MAP2K3: variants seen among roughly 807,000 people sequenced by gnomAD.
The protein encoded by MAP2K3 is mitogen-activated protein kinase kinase 3.
MAP2K3 carries 30 observed loss-of-function variants against 46.4 expected under a neutral mutation model. That is an observed-to-expected ratio of 0.65 (90% CI 0.48 to 0.88). The LOEUF (loss-of-function observed/expected upper bound fraction) is 0.88. MAP2K3 is among the 40% of genes least tolerant of loss of function. MAP2K3 has a pLI of 0.00. For missense variants in MAP2K3, 380 were observed against 464.5 expected (o/e 0.82, Z 1.67); for synonymous variants, 189 against 176.3 (o/e 1.07, Z -0.57).
In MAP2K3 at chr17:21,284,900, C is replaced by T. The variant is rs377358563; in HGVS notation, c.-21C>T. 244 of 1,611,710 alleles carry T rather than the reference C, an allele frequency of 1.5e-4. 1 individual carries two copies. The highest frequency in any genetic ancestry group is 2.0e-4 in the Non-Finnish European group (235 of 1,179,484). ...AGTCCTCTAGATTAGTCTCCACCGC[C>T]GTCCAGGACCCACTTGCAGCATGGA... On this transcript the variant is annotated 5_prime_UTR_variant, in exon 1 of 12. Coordinates refer to ENST00000342679, the MANE Select transcript of MAP2K3 (RefSeq NM_145109.3).
At chr17:21,289,891 T>C (rs114895592) in intron 1 of MAP2K3, among the ~76,000 whole-genome samples, 1,675 of 152,312 alleles carry the variant, frequency 0.011, 32 homozygotes, top group African/African-American at 0.038. Flanking sequence ...CTGGTTTCTC[T>C]GGGGAGGCCA....
Position 21,295,793 on chromosome 17 carries a change from A to AG in MAP2K3, c.50-2613dup, listed in dbSNP as rs3035435. On this transcript the variant is annotated intron_variant, in intron 1 of 11. Transcript: ENST00000342679. ...AGGTGGGGAAACTGAGGCTTGGTGA[A>AG]GGGGGGGCCACATGATACAACATTC... 39 of 1,289,008 alleles carry AG rather than the reference A, an allele frequency of 3.0e-5. No homozygotes were observed. In the African/African-American group the frequency reaches 3.6e-4, roughly 12 times the overall value. The allele number at this position is 1,289,008 out of a possible 1,614,324, so 79.8% of individuals were successfully genotyped here.
rs543135539 is a variant in MAP2K3, at chr17:21,298,563, G to A, written c.116+84G>A. 33 of 1,608,614 alleles carry A rather than the reference G, an allele frequency of 2.1e-5. No individual in the cohort carries two copies. In the African/African-American group the frequency reaches 4.1e-4, roughly 20 times the overall value. On this transcript the variant is annotated intron_variant, in intron 2 of 11. Coordinates refer to ENST00000342679, the MANE Select transcript of MAP2K3 (RefSeq NM_145109.3). ...AATGGAAGGAGTGAGAGGCAGGTGGGGCCAGCCCTGCTTTACCTCGTCCTG... is the reference window on the plus strand; with the variant it reads ...AATGGAAGGAGTGAGAGGCAGGTGGAGCCAGCCCTGCTTTACCTCGTCCTG...
In MAP2K3 at chr17:21,294,086, G is replaced by A. The variant is rs567190592; in HGVS notation, c.50-4327G>A. Among the ~76,000 whole-genome samples the A allele has an allele frequency of 9.8e-5, 15 of 152,420 alleles. No homozygotes were observed. The East Asian group carries it at 2.1e-3, about 22-fold the overall frequency. On this transcript the variant is annotated intron_variant, in intron 1 of 11. Coordinates refer to ENST00000342679, the MANE Select transcript of MAP2K3 (RefSeq NM_145109.3). ...ACACCGTCGAGGTACATCTGCCCAC[G>A]CAAAAGCCTGTGCCCACTTCTCGGG... is the stretch of plus-strand genomic sequence containing the variant.
At chr17:21,289,752 C>T (rs1975831134) in intron 1 of MAP2K3, among the ~76,000 whole-genome samples, 1 of 152,232 alleles carries the variant, frequency 6.6e-6, no homozygotes, top group Admixed American at 6.5e-5. Flanking sequence ...TGTTGGGCCC[C>T]TTGCAGCTTC....
chr17:21,299,173 T>A (rs987422617), intron 3 of MAP2K3, among the ~76,000 whole-genome samples: 1 of 152,310 alleles, frequency 6.6e-6, no homozygotes, highest in African/African-American at 2.4e-5. Flanking sequence ...GGTAGGAAGG[T>A]TTCTGAGCTG....
chr17:21,307,911 A>G (rs1976976782), intron 9 of MAP2K3, among the ~76,000 whole-genome samples: 2 of 143,964 alleles, frequency 1.4e-5, no homozygotes, highest in Non-Finnish European at 3.0e-5. Flanking sequence ...CCTGGAGTGC[A>G]ATGGCATGAT....
At chr17:21,288,236 A>C (rs912817409) in intron 1 of MAP2K3, 2 of 542,898 alleles carry the variant, frequency 3.7e-6, no homozygotes, top group African/African-American at 4.0e-5. Flanking sequence ...GAGCTGGGGC[A>C]CTGGAGGTGG....
intron 1 of MAP2K3, among the ~76,000 whole-genome samples, chr17:21,293,621 G>A (rs1176876314): frequency 6.6e-6 from 1 of 152,312 alleles, no homozygotes; most frequent in African/African-American, 2.4e-5. Flanking sequence ...GGGTAGAGAG[G>A]TGGGGAGGGT....
At chr17:21,296,305 A>G (rs1351879397) in intron 1 of MAP2K3, 18 of 796,770 alleles carry the variant, frequency 2.3e-5, no homozygotes, top group Non-Finnish European at 3.3e-5. Flanking sequence ...GGAGTTTACC[A>G]CGGCTGCGCC....
At chr17:21,296,318 T>C (rs1190078273) in intron 1 of MAP2K3, 7 of 670,402 alleles carry the variant, frequency 1.0e-5, no homozygotes, top group Non-Finnish European at 1.6e-5. Context: ...GCTGCGCCAC[T>C]CCAAGCCCAG....
intron 1 of MAP2K3, among the ~76,000 whole-genome samples, chr17:21,287,463 A>G (rs1392152055): frequency 6.6e-6 from 1 of 152,250 alleles, no homozygotes; most frequent in Non-Finnish European, 1.5e-5. Context: ...TGAACAAAGC[A>G]GGGAGTGGCT....
chr17:21,294,630 G>T (rs2363240), intron 1 of MAP2K3, among the ~76,000 whole-genome samples: 2 of 54 alleles, frequency 0.037, no homozygotes, highest in Admixed American at 0.17. Flanking sequence ...CTCTTCTCCC[G>T]CATGCTTGAT....
intron 1 of MAP2K3, among the ~76,000 whole-genome samples, chr17:21,292,105 T>A (rs1408385622): frequency 1.3e-5 from 2 of 152,308 alleles, no homozygotes; most frequent in Admixed American, 6.5e-5. Flanking sequence ...CTGGGGCCCC[T>A]GGTGTCAGCA....
Position 21,284,833 on chromosome 17 carries a change from C to T in MAP2K3, c.-88C>T, listed in dbSNP as rs984869985. On this transcript the variant is annotated 5_prime_UTR_variant, in exon 1 of 12. Coordinates refer to ENST00000342679, the MANE Select transcript of MAP2K3 (RefSeq NM_145109.3). ...TGCTCCTCCGCCTGGCCTGGGCCGT[C>T]TGCCCGCAGCCATGAGCGTGCTCGG... The T allele has an allele frequency of 3.4e-6, 5 of 1,457,138 alleles. No homozygotes were observed. Among genetic ancestry groups the T allele is most frequent in the South Asian group, 1.3e-5 (1 of 79,496 alleles). The allele number at this position is 1,457,138 out of a possible 1,614,324, so 90.3% of individuals were successfully genotyped here.
chr17:21,303,917 A>G (rs1256467216), intron 7 of MAP2K3, among the ~76,000 whole-genome samples: 1 of 152,308 alleles, frequency 6.6e-6, no homozygotes, highest in African/African-American at 2.4e-5. Context: ...ATCTTTACAC[A>G]CATCCCCATG....
intron 10 of MAP2K3, among the ~76,000 whole-genome samples, chr17:21,312,918 C>CA (rs113429381): frequency 0.052 from 6,217 of 119,734 alleles, 416 homozygotes; most frequent in African/African-American, 0.16. Context: ...GAGACTGTCT[C>CA]AAAAAAAAAA....
At chr17:21,296,893 TG>T (rs983456771) in intron 1 of MAP2K3, among the ~76,000 whole-genome samples, 23 of 148,236 alleles carry the variant, frequency 1.6e-4, no homozygotes, top group African/African-American at 5.7e-4. Context: ...CCAGTGCATG[TG>T]GCGGCAGCTG....
chr17:21,310,688 C>T (rs138714398), intron 9 of MAP2K3, among the ~76,000 whole-genome samples: 2 of 152,240 alleles, frequency 1.3e-5, no homozygotes, highest in African/African-American at 2.4e-5. Context: ...TTAGTGTTGT[C>T]GCTGGGGAGT....
Sources: gnomAD v4.1 joint callset for allele counts (sites outside exome capture counted in the v4.1 genomes callset) on GRCh38, gnomAD v4.1.1 for gene constraint, MANE v1.5 for transcripts, NCBI Gene and HGNC (gene_info 2026-07-23, HGNC 2026-07-21) for gene names.